CREM: variants seen among roughly 807,000 people sequenced by gnomAD.
CREM encodes cAMP-responsive element modulator.
A neutral mutation model predicts 37.3 loss-of-function variants in CREM; 13 were observed. The observed-to-expected ratio is 0.35, with a 90% CI of 0.23 to 0.55. The LOEUF (loss-of-function observed/expected upper bound fraction) is 0.55. Ranked by LOEUF, CREM falls within the 20% of genes least tolerant of loss-of-function variation. The probability of loss-of-function intolerance (pLI) is 0.88; values close to 1 mark genes in which losing one functional copy is unlikely to be tolerated. For missense variants in CREM, 296 were observed against 362.3 expected, an observed-to-expected ratio of 0.82 and a Z score of 1.49; for synonymous variants, 124 against 120.2, an observed-to-expected ratio of 1.03 and a Z score of -0.21.
intron 1 of CREM, among the ~76,000 whole-genome samples, chr10:35,132,196 A>G (rs1286118944): frequency 7.6e-6 from 1 of 131,222 alleles, no homozygotes; most frequent in Admixed American, 8.5e-5. Flanking sequence ...GCGAGACTTG[A>G]GTCTCAAAAA....
intron 3 of CREM, among the ~76,000 whole-genome samples, chr10:35,166,564 C>CAAAA (rs34348266): frequency 5.0e-4 from 66 of 131,922 alleles, no homozygotes; most frequent in Admixed American, 1.3e-3. Context: ...GAGTCTGTAT[C>CAAAA]AAAAAAAAAA....
intron 6 of CREM, among the ~76,000 whole-genome samples, chr10:35,206,234 C>T (rs140699058): frequency 0.027 from 4,005 of 148,258 alleles, 168 homozygotes; most frequent in African/African-American, 0.09. Context: ...GGCGACAGAG[C>T]GAGACTCCGT....
intron 2 of CREM, among the ~76,000 whole-genome samples, chr10:35,146,159 G>A (rs2092090050): frequency 6.6e-6 from 1 of 152,302 alleles, no homozygotes; most frequent in South Asian, 2.1e-4. Context: ...AAGGCCTTTC[G>A]GCATATAATT....
At chr10:35,175,914 C>T in intron 3 of CREM, 1 of 1,552,906 alleles carries the variant, frequency 6.4e-7, no homozygotes, top group Non-Finnish European at 8.7e-7. Flanking sequence ...GTGCAGTTAC[C>T]TTCGGGCCAA....
intron 6 of CREM, among the ~76,000 whole-genome samples, chr10:35,203,555 G>A (rs943738620): frequency 3.3e-5 from 5 of 152,048 alleles, no homozygotes; most frequent in African/African-American, 9.7e-5. Context: ...AGCTGGGAGC[G>A]GTGGTGGGCG....
At chr10:35,164,282 G>A (rs140531595) in intron 3 of CREM, among the ~76,000 whole-genome samples, 2 of 152,302 alleles carry the variant, frequency 1.3e-5, no homozygotes, top group East Asian at 3.9e-4. Flanking sequence ...TCCTCATAGT[G>A]ACCTTCCTTG....
At chr10:35,179,466 G>T in intron 5 of CREM, 190 bp downstream of exon 5, 1 of 694,290 alleles carries the variant, frequency 1.4e-6, no homozygotes. Context: ...ATATAATTTT[G>T]AAAAGTAAAA....
intron 6 of CREM, among the ~76,000 whole-genome samples, chr10:35,197,974 ACCC>A (rs1404700030): frequency 1.6e-4 from 25 of 152,138 alleles, no homozygotes; most frequent in Non-Finnish European, 3.5e-4. Flanking sequence ...GTGTGTATGT[ACCC>A]TACATTTATA....
At chr10:35,205,634 G>T (rs917811880) in intron 6 of CREM, among the ~76,000 whole-genome samples, 8 of 152,230 alleles carry the variant, frequency 5.3e-5, no homozygotes, top group Non-Finnish European at 1.2e-4. Context: ...GTGTGCTACA[G>T]TCAGCTCCTC....
At chr10:35,206,272 A>G (rs1262233053) in intron 6 of CREM, among the ~76,000 whole-genome samples, 1 of 151,706 alleles carries the variant, frequency 6.6e-6, no homozygotes, top group Admixed American at 6.6e-5. Flanking sequence ...ATGTGTGTGT[A>G]TAAATATGTA....
At chr10:35,155,631 C>CTTTTT (rs35872146) in intron 3 of CREM, among the ~76,000 whole-genome samples, 1 of 145,860 alleles carries the variant, frequency 6.9e-6, no homozygotes, top group African/African-American at 2.6e-5. Flanking sequence ...CTTTTCTTTT[C>CTTTTT]TTTTTTTTTT....
At chr10:35,146,693 C>T (rs571400329) in intron 2 of CREM, among the ~76,000 whole-genome samples, 39 of 152,056 alleles carry the variant, frequency 2.6e-4, no homozygotes, top group Non-Finnish European at 4.6e-4. Flanking sequence ...GTAGGCTCGA[C>T]GTTTGTATTT....
intron 3 of CREM, among the ~76,000 whole-genome samples, chr10:35,159,603 C>T (rs2093162478): frequency 6.6e-6 from 1 of 152,062 alleles, no homozygotes; most frequent in African/African-American, 2.4e-5. Flanking sequence ...ATATAAGACC[C>T]AAAACTATGA....
chr10:35,203,565 G>A (rs932344899), intron 6 of CREM, among the ~76,000 whole-genome samples: 5 of 152,052 alleles, frequency 3.3e-5, no homozygotes, highest in South Asian at 2.1e-4. Context: ...GGTGGTGGGC[G>A]TCTGTAATCC....
intron 5 of CREM, among the ~76,000 whole-genome samples, chr10:35,185,086 C>T (rs1278340052): frequency 6.7e-6 from 1 of 149,460 alleles, no homozygotes; most frequent in East Asian, 2.0e-4. Flanking sequence ...AGTGGCTGCT[C>T]TGTTCTAGGC....
intron 6 of CREM, among the ~76,000 whole-genome samples, chr10:35,194,901 CATTATTATT>C (rs113909710): frequency 4.7e-5 from 7 of 149,610 alleles, no homozygotes; most frequent in South Asian, 2.1e-4. Flanking sequence ...CTAAAAGAGA[CATTATTATT>C]ATTATTATTA....
intron 6 of CREM, among the ~76,000 whole-genome samples, chr10:35,196,757 G>A (rs1234021280): frequency 6.6e-6 from 1 of 151,078 alleles, no homozygotes; most frequent in South Asian, 2.1e-4. Context: ...AAAAATTATT[G>A]GTTAATATCT....
At chr10:35,127,964 G>A (rs1320749143) in intron 1 of CREM, among the ~76,000 whole-genome samples, 2 of 152,050 alleles carry the variant, frequency 1.3e-5, no homozygotes, top group East Asian at 3.9e-4. Context: ...TCTTGCCTCA[G>A]CCTCCCGAGT....
intron 2 of CREM, among the ~76,000 whole-genome samples, chr10:35,146,107 T>C (rs1161239417): frequency 6.6e-6 from 1 of 152,242 alleles, no homozygotes; most frequent in African/African-American, 2.4e-5. Flanking sequence ...ATGTAGACTA[T>C]GCTAAATGAA....
Sources: allele counts gnomAD v4.1 joint callset (sites outside exome capture counted in the v4.1 genomes callset), GRCh38; gene constraint gnomAD v4.1.1; transcripts MANE v1.5; gene names NCBI Gene and HGNC (gene_info 2026-07-23, HGNC 2026-07-21).